C12orf75: variants seen among roughly 807,000 people sequenced by gnomAD.
C12orf75 encodes the protein overexpressed in colon carcinoma 1 protein.
Under a neutral mutation model 11.4 loss-of-function variants are expected in C12orf75, and 4 were observed. That is an observed-to-expected ratio of 0.35 (90% confidence interval 0.17 to 0.80). The LOEUF is 0.80. C12orf75 is among the 30% of genes least tolerant of loss of function. The pLI is 0.52. For synonymous variants in C12orf75, 30 were observed against 30.0 expected, an observed-to-expected ratio of 1.00 and a Z score of 0.00; for missense variants, 89 against 80.4, an observed-to-expected ratio of 1.11 and a Z score of -0.41.
At chr12:105,338,352 T>G (rs1460017281) in intron 1 of C12orf75, among the ~76,000 whole-genome samples, 1 of 152,124 alleles carries the variant, frequency 6.6e-6, no homozygotes, top group Non-Finnish European at 1.5e-5. Flanking sequence ...TTTTGTATTT[T>G]TAGTGGAGAT....
chr12:105,340,572 T>C (rs986394921), intron 1 of C12orf75, among the ~76,000 whole-genome samples: 4 of 152,148 alleles, frequency 2.6e-5, no homozygotes, highest in Admixed American at 2.6e-4. Flanking sequence ...CATTTTGCTC[T>C]GTATTTTAAA....
At chr12:105,354,182 C>T (rs1336068871) in intron 2 of C12orf75, among the ~76,000 whole-genome samples, 1 of 152,160 alleles carries the variant, frequency 6.6e-6, no homozygotes, top group Non-Finnish European at 1.5e-5. Flanking sequence ...ATTGAAAAAG[C>T]CTGCATTTTG....
chr12:105,359,126 C>T (rs936767913), intron 2 of C12orf75, among the ~76,000 whole-genome samples: 21 of 152,312 alleles, frequency 1.4e-4, no homozygotes, highest in African/African-American at 4.3e-4. Context: ...TCGGCACCAA[C>T]GTTTGACTCC....
chr12:105,370,606 CT>C, intron 5 of C12orf75, 27 bp from the exon 6 acceptor site: 1 of 457,600 alleles, frequency 2.2e-6, no homozygotes, highest in South Asian at 1.5e-5. Context: ...TTTGCTCACT[CT>C]TTTCTCCTCT....
rs541273170 is a variant in C12orf75 at position 105,360,837 on chromosome 12, G to A, written c.72-4970G>A. Among the ~76,000 whole-genome samples the A allele has an allele frequency of 7.6e-3, 1,159 of 152,012 alleles. 14 individuals carry two copies. Among genetic ancestry groups the A allele is most frequent in the African/African-American group, 0.026 (1,093 of 41,434 alleles). ...GTTGCCCAGCCTGGAGTGCAATGGCGCGATCTCGGCTCACTGCAACCTCCG... is the reference window on the plus strand; with the variant it reads ...GTTGCCCAGCCTGGAGTGCAATGGCACGATCTCGGCTCACTGCAACCTCCG... On this transcript the variant is annotated intron_variant, in intron 2 of 5. Coordinates refer to ENST00000443585, the MANE Select transcript of C12orf75 (RefSeq NM_001145199.2).
intron 1 of C12orf75, among the ~76,000 whole-genome samples, chr12:105,334,383 C>T (rs1036607861): frequency 6.6e-5 from 10 of 152,198 alleles, no homozygotes; most frequent in Non-Finnish European, 1.0e-4. Flanking sequence ...TAATCTGGAC[C>T]TTCAAGTTTC....
rs1892413529 is a variant in C12orf75, at chr12:105,330,910, A to C, written c.19A>C (p.Thr7Pro). MGCGNSTATSAGAGQGP... is the reference protein window; with the variant it reads MGCGNSPATSAGAGQGP... ...CTGCGCGATGGGCTGCGGGAACTCC[A>C]CCGCCACCAGCGCGGGCGCGGGCCA... Residue 7 changes from threonine to proline, a missense_variant, in exon 1 of 6, where the codon ACC becomes CCC. Transcript: ENST00000443585. The C allele has an allele frequency of 4.8e-6, 6 of 1,239,704 alleles. No individual in the cohort carries two copies. The Admixed American group carries it at 2.1e-4, about 44-fold the overall frequency. 76.8% of individuals were successfully genotyped at this position (1,239,704 alleles called of 1,614,324 possible).
At chr12:105,339,380 T>A (rs866366059) in intron 1 of C12orf75, among the ~76,000 whole-genome samples, 1 of 146,914 alleles carries the variant, frequency 6.8e-6, no homozygotes, top group African/African-American at 2.5e-5. Context: ...GAGTGCTTTT[T>A]AAATCTTCAG....
intron 1 of C12orf75, among the ~76,000 whole-genome samples, chr12:105,336,512 G>A (rs1892501436): frequency 6.6e-6 from 1 of 152,216 alleles, no homozygotes; most frequent in Non-Finnish European, 1.5e-5. Context: ...TATCAGTATA[G>A]GGAAAGACAC....
chr12:105,352,808 A>G (rs1160922446), intron 2 of C12orf75, among the ~76,000 whole-genome samples: 1 of 152,152 alleles, frequency 6.6e-6, no homozygotes, highest in African/African-American at 2.4e-5. Context: ...TTAACCTTCA[A>G]CACTTGAAAG....
At chr12:105,349,885 G>GA (rs1892688755) in intron 2 of C12orf75, among the ~76,000 whole-genome samples, 1 of 151,388 alleles carries the variant, frequency 6.6e-6, no homozygotes, top group East Asian at 1.9e-4. Flanking sequence ...TCAAAAAAAA[G>GA]AAAAAAAAGA....
intron 3 of C12orf75, 195 bp from the exon 4 acceptor site, chr12:105,366,422 T>C: frequency 2.5e-6 from 1 of 393,684 alleles, no homozygotes; most frequent in South Asian, 1.1e-4. Flanking sequence ...CATCTTTCTT[T>C]TTTTTAAAAA....
At chr12:105,338,196 A>G (rs983478662) in intron 1 of C12orf75, among the ~76,000 whole-genome samples, 8 of 151,866 alleles carry the variant, frequency 5.3e-5, no homozygotes, top group African/African-American at 1.7e-4. Context: ...TTATTTTGAG[A>G]TGGAGTCTTG....
At position 105,339,877 on chromosome 12, in the gene C12orf75, C is replaced by T. The variant is rs923621321; in HGVS notation, c.47-8725C>T. Among the ~76,000 whole-genome samples, 5 of 152,142 alleles carry T rather than the reference C, an allele frequency of 3.3e-5. 1 individual carries two copies. The East Asian group carries it at 9.8e-4, about 30-fold the overall frequency. ...CCTCGTGATCCACCCACCTCAGCCT[C>T]CCAAAATGCTGGGATTACAGGCGTG... is the stretch of plus-strand genomic sequence containing the variant. On this transcript the variant is annotated intron_variant, in intron 1 of 5. Transcript: ENST00000443585.
intron 2 of C12orf75, among the ~76,000 whole-genome samples, chr12:105,360,833 T>C (rs544728214): frequency 6.6e-6 from 1 of 152,000 alleles, no homozygotes; most frequent in South Asian, 2.1e-4. Context: ...TGGAGTGCAA[T>C]GGCGCGATCT....
At chr12:105,345,400 A>C (rs1211330071) in intron 1 of C12orf75, among the ~76,000 whole-genome samples, 4 of 151,742 alleles carry the variant, frequency 2.6e-5, no homozygotes, top group African/African-American at 9.7e-5. Flanking sequence ...TGAGGCAAGA[A>C]AATAGCTTGA....
At chr12:105,368,347 A>G (rs1015128717) in intron 5 of C12orf75, among the ~76,000 whole-genome samples, 14 of 152,156 alleles carry the variant, frequency 9.2e-5, no homozygotes, top group African/African-American at 3.1e-4. Context: ...GGAACGTCCT[A>G]TCTCCTGAGA....
chr12:105,335,804 C>T (rs1266808964), intron 1 of C12orf75, among the ~76,000 whole-genome samples: 1 of 152,224 alleles, frequency 6.6e-6, no homozygotes, highest in African/African-American at 2.4e-5. Context: ...ACAGCCATAT[C>T]CTCAGCCTCT....
intron 1 of C12orf75, among the ~76,000 whole-genome samples, chr12:105,334,455 G>T (rs1411074817): frequency 6.6e-6 from 1 of 152,186 alleles, no homozygotes; most frequent in Admixed American, 6.5e-5. Flanking sequence ...TGAGCTGGGG[G>T]TCTAGATGGA....
Sources: allele counts gnomAD v4.1 joint callset (sites outside exome capture counted in the v4.1 genomes callset), GRCh38; gene constraint gnomAD v4.1.1; transcripts MANE v1.5; gene names NCBI Gene and HGNC (gene_info 2026-07-23, HGNC 2026-07-21).